KCNQ5: variants seen among roughly 807,000 people sequenced by gnomAD.
KCNQ5 encodes potassium voltage-gated channel subfamily Q member 5.
In KCNQ5, 30 loss-of-function variants were observed where a neutral mutation model predicts 98.2. That is an observed-to-expected ratio of 0.31 (90% CI 0.23 to 0.41). KCNQ5 has a LOEUF of 0.41. Among genes scored for constraint, KCNQ5 ranks in the 10% least tolerant of loss-of-function variants. The pLI is 1.00. For missense variants in KCNQ5, 835 were observed against 1,182.5 expected (o/e 0.71, Z 4.31); for synonymous variants, 458 against 449.4 (o/e 1.02, Z -0.24).
chr6:73,091,996 A>G (rs1284409059), intron 5 of KCNQ5, among the ~76,000 whole-genome samples: 3 of 151,800 alleles, frequency 2.0e-5, no homozygotes, highest in East Asian at 1.9e-4. Flanking sequence ...TGTGTCATCT[A>G]TGATTTCTTT....
intron 9 of KCNQ5, among the ~76,000 whole-genome samples, chr6:73,130,160 T>G (rs1198404352): frequency 6.6e-6 from 1 of 152,324 alleles, no homozygotes; most frequent in African/African-American, 2.4e-5. Context: ...AGTTGCCATA[T>G]TGTGCCTGAG....
At chr6:72,742,411 T>C (rs1313258638) in intron 1 of KCNQ5, among the ~76,000 whole-genome samples, 2 of 152,206 alleles carry the variant, frequency 1.3e-5, no homozygotes, top group Non-Finnish European at 2.9e-5. Flanking sequence ...TGCTCACATA[T>C]ACAATTGTTC....
chr6:72,744,422 GAAAT>G (rs1433571342), intron 1 of KCNQ5, among the ~76,000 whole-genome samples: 4 of 152,164 alleles, frequency 2.6e-5, no homozygotes, highest in Non-Finnish European at 4.4e-5. Context: ...GTTCTGATCT[GAAAT>G]AAATAAACAT....
intron 1 of KCNQ5, among the ~76,000 whole-genome samples, chr6:72,938,134 A>G (rs1766031531): frequency 6.6e-6 from 1 of 152,228 alleles, no homozygotes; most frequent in Non-Finnish European, 1.5e-5. Flanking sequence ...CTGTGTCCCT[A>G]GTAACTAATT....
At chr6:73,151,883 A>T (rs138393158) in intron 10 of KCNQ5, among the ~76,000 whole-genome samples, 237 of 152,330 alleles carry the variant, frequency 1.6e-3, no homozygotes, top group Non-Finnish European at 2.6e-3. Flanking sequence ...AAAAGATGAC[A>T]TGATGACAGA....
intron 1 of KCNQ5, among the ~76,000 whole-genome samples, chr6:72,826,650 A>G: frequency 6.6e-6 from 1 of 152,300 alleles, no homozygotes; most frequent in Middle Eastern, 3.4e-3. Flanking sequence ...TTCAATCCAT[A>G]TAATGTATAA....
At chr6:72,890,607 A>T (rs1345490364) in intron 1 of KCNQ5, among the ~76,000 whole-genome samples, 1 of 152,122 alleles carries the variant, frequency 6.6e-6, no homozygotes, top group East Asian at 1.9e-4. Flanking sequence ...CCATTTGAGA[A>T]TGGATGGAAT....
Position 72,956,996 on chromosome 6 carries a change from C to T in KCNQ5, c.399-46912C>T, listed in dbSNP as rs555490524. 5.1e-4 allele frequency among the ~76,000 whole-genome samples: 78 copies of T among 152,068 alleles called. 1 individual carries two copies. Among genetic ancestry groups the T allele is most frequent in the African/African-American group, 1.7e-3 (71 of 41,492 alleles). On this transcript the variant is annotated intron_variant, in intron 1 of 13. Coordinates refer to ENST00000370398, the MANE Select transcript of KCNQ5 (RefSeq NM_019842.4). The stretch of plus-strand genomic sequence containing the variant: ...TGTTTAGAGCACTAGGTGTTCAGGC[C>T]CGTTGCATTACAGTGCCCAGACACT...
At chr6:73,018,514 G>A (rs1770453239) in intron 2 of KCNQ5, among the ~76,000 whole-genome samples, 2 of 151,850 alleles carry the variant, frequency 1.3e-5, no homozygotes, top group South Asian at 2.1e-4. Flanking sequence ...TTAATCTTGA[G>A]CTGTTCATTG....
intron 10 of KCNQ5, among the ~76,000 whole-genome samples, chr6:73,148,419 A>G (rs1490591238): frequency 6.6e-6 from 1 of 152,254 alleles, no homozygotes; most frequent in Admixed American, 6.5e-5. Context: ...AGATTCCCTC[A>G]TTAGTGTGAA....
chr6:73,088,174 A>T (rs1774071130), intron 5 of KCNQ5, among the ~76,000 whole-genome samples: 1 of 151,846 alleles, frequency 6.6e-6, no homozygotes, highest in African/African-American at 2.4e-5. Context: ...GGCATGCACC[A>T]CCACACCTGG....
At chr6:72,937,933 C>CA (rs1197484251) in intron 1 of KCNQ5, among the ~76,000 whole-genome samples, 1 of 152,094 alleles carries the variant, frequency 6.6e-6, no homozygotes, top group African/African-American at 2.4e-5. Context: ...GCTATGTAGT[C>CA]AAAAGGCTTT....
chr6:73,098,686 T>C (rs1047531789), intron 5 of KCNQ5, among the ~76,000 whole-genome samples: 10 of 152,218 alleles, frequency 6.6e-5, no homozygotes, highest in African/African-American at 2.2e-4. Context: ...AAATAAAGAC[T>C]TTCCCAGACA....
At chr6:72,980,580 G>T (rs1032839716) in intron 1 of KCNQ5, among the ~76,000 whole-genome samples, 2 of 152,060 alleles carry the variant, frequency 1.3e-5, no homozygotes, top group African/African-American at 4.8e-5. Context: ...TGGGCTGAGA[G>T]GGTAGGGTTT....
At chr6:73,168,174 A>G (rs1777875800) in intron 10 of KCNQ5, among the ~76,000 whole-genome samples, 1 of 152,200 alleles carries the variant, frequency 6.6e-6, no homozygotes, top group African/African-American at 2.4e-5. Context: ...ATAAACACAC[A>G]GTAAATATTC....
intron 1 of KCNQ5, among the ~76,000 whole-genome samples, chr6:72,929,352 T>C (rs1435624673): frequency 6.6e-6 from 1 of 152,098 alleles, no homozygotes; most frequent in Non-Finnish European, 1.5e-5. Flanking sequence ...GACAATGAAC[T>C]GCCCACTCCC....
intron 1 of KCNQ5, among the ~76,000 whole-genome samples, chr6:72,655,018 GTCTGTCTGTCTTTCTT>G (rs1260440242): frequency 3.3e-5 from 3 of 90,612 alleles, no homozygotes; most frequent in African/African-American, 1.9e-4. Flanking sequence ...AATAGCCAAG[GTCTGTCTGTCTTTCTT>G]TCTTTCTTTC....
At chr6:72,912,589 A>T (rs11964308) in intron 1 of KCNQ5, among the ~76,000 whole-genome samples, 4,784 of 152,282 alleles carry the variant, frequency 0.031, 253 homozygotes, top group African/African-American at 0.11. Context: ...GCAAATTGTC[A>T]AATTTTTCTG....
chr6:73,013,119 T>C (rs1437755804), intron 2 of KCNQ5, among the ~76,000 whole-genome samples: 1 of 152,062 alleles, frequency 6.6e-6, no homozygotes, highest in Non-Finnish European at 1.5e-5. Flanking sequence ...GTGTAAGAGT[T>C]TTCTCACCGC....
Sources: gnomAD v4.1 joint callset for allele counts (sites outside exome capture counted in the v4.1 genomes callset) on GRCh38, gnomAD v4.1.1 for gene constraint, MANE v1.5 for transcripts, NCBI Gene and HGNC (gene_info 2026-07-23, HGNC 2026-07-21) for gene names.